The following COPE variants were observed in gnomAD, a reference collection of about 807,000 sequenced individuals.
COPE encodes the protein coat protein complex I subunit epsilon.
A neutral mutation model predicts 42.1 loss-of-function variants in COPE; 19 were observed. The ratio of observed to expected loss-of-function variants is 0.45; its 90% CI spans 0.31 to 0.66. The LOEUF is 0.66. Ranked by LOEUF, COPE falls within the 30% of genes least tolerant of loss-of-function variation. The pLI is 0.05. For missense variants in COPE, 402 were observed against 416.1 expected (o/e 0.97, Z 0.30); for synonymous variants, 195 against 181.3 (o/e 1.08, Z -0.60).
intron 3 of COPE, 99 bp from the exon 4 acceptor site, chr19:18,907,211 G>A: frequency 7.4e-7 from 1 of 1,347,020 alleles, no homozygotes. Flanking sequence ...GAGAGGGTGA[G>A]CCAGGCCCTG....
chr19:18,912,117 G>A (rs953728058), intron 2 of COPE, among the ~76,000 whole-genome samples: 1 of 152,098 alleles, frequency 6.6e-6, no homozygotes, highest in African/African-American at 2.4e-5. Context: ...AAAGTGCTGG[G>A]ATTACAGGCG....
chr19:18,909,551 C>T (rs907228583), intron 3 of COPE, among the ~76,000 whole-genome samples: 2 of 150,450 alleles, frequency 1.3e-5, no homozygotes, highest in Admixed American at 6.6e-5. Context: ...GACAGTCTCC[C>T]GCTGTCACCC....
At chr19:18,905,742 G>C in intron 4 of COPE, 113 bp from the exon 5 acceptor site, 1 of 1,090,240 alleles carries the variant, frequency 9.2e-7, no homozygotes, top group South Asian at 1.5e-5. Context: ...CCTGTGCTTA[G>C]GACCACCAGC....
In COPE at chr19:18,905,664, G is replaced by A. The variant is rs371754480; in HGVS notation, c.444-35C>T. The A allele has an allele frequency of 2.3e-5, 37 of 1,576,122 alleles. No individual in the cohort carries two copies. The African/African-American group carries it at 2.8e-4, about 12-fold the overall frequency. ...AGGGCGAGGGGGCGGTCAGCGGGTCGCCACAGACACATTGCATGGCCGCTC... is the reference window on the plus strand; with the variant it reads ...AGGGCGAGGGGGCGGTCAGCGGGTCACCACAGACACATTGCATGGCCGCTC... On this transcript the variant is annotated intron_variant, in intron 4 of 9. Coordinates refer to ENST00000262812, the MANE Select transcript of COPE (RefSeq NM_007263.4).
rs377535730 is a variant in COPE, at chr19:18,902,748, AAAGGAAGG to A, written c.735+512_735+519del. ...AGGAAGGAAAGGAAGGAAAGGAAGGAAAGGAAGGAAGGAAGGAAGGGAAAGAAGGAAGG... is the reference window on the plus strand; with the variant it reads ...AGGAAGGAAAGGAAGGAAAGGAAGGAAAGGAAGGAAGGGAAAGAAGGAAGG... On this transcript the variant is annotated intron_variant, in intron 7 of 9. Transcript: ENST00000262812. Among the ~76,000 whole-genome samples the A allele has an allele frequency of 3.8e-5, 2 of 51,964 alleles. 1 individual carries two copies. Among genetic ancestry groups the A allele is most frequent in the Admixed American group, 4.3e-4 (2 of 4,672 alleles). The allele number at this position is 51,964 out of a possible 152,430, so 34.1% of individuals were successfully genotyped here.
At position 18,914,766 on chromosome 19, in the gene COPE, T is replaced by TG. The variant is rs1464742615; in HGVS notation, c.127-1721_127-1720insC. 2.0e-5 allele frequency among the ~76,000 whole-genome samples: 3 copies of TG among 150,238 alleles called. No homozygotes were observed. The East Asian group carries it at 5.9e-4, about 30-fold the overall frequency. On this transcript the variant is annotated intron_variant, in intron 1 of 9. Coordinates refer to ENST00000262812, the MANE Select transcript of COPE (RefSeq NM_007263.4). ...GCAAAAAGCATAGTCTTTTTTTTTTTTTTTTTTTTGATGGAGTCTTGCTCT... is the reference window on the plus strand; with the variant it reads ...GCAAAAAGCATAGTCTTTTTTTTTTTGTTTTTTTTTGATGGAGTCTTGCTCT...
chr19:18,906,158 G>A, intron 4 of COPE: 1 of 395,912 alleles, frequency 2.5e-6, no homozygotes, highest in Non-Finnish European at 4.4e-6. Flanking sequence ...CACCGAGTCG[G>A]CCGGCTCGCC....
At chr19:18,910,938 C>T (rs370096329) in intron 3 of COPE, 33 bp downstream of exon 3, 53 of 1,593,548 alleles carry the variant, frequency 3.3e-5, no homozygotes, top group Non-Finnish European at 4.2e-5. Flanking sequence ...GATGGCCCCG[C>T]GCCTCAGGCC....
At chr19:18,899,810 C>A in intron 9 of COPE, 63 bp downstream of exon 9, 1 of 1,610,298 alleles carries the variant, frequency 6.2e-7, no homozygotes, top group South Asian at 1.1e-5. Context: ...GCATGTGAGC[C>A]CAGGCTGAGC....
chr19:18,912,722 G>C (rs2056821406), intron 2 of COPE, among the ~76,000 whole-genome samples: 1 of 143,118 alleles, frequency 7.0e-6, no homozygotes, highest in African/African-American at 2.7e-5. Context: ...GAGTACGACA[G>C]AGTGAGACTC....
At chr19:18,912,818 C>A (rs1398772015) in intron 2 of COPE, among the ~76,000 whole-genome samples, 166 bp downstream of exon 2, 1 of 152,066 alleles carries the variant, frequency 6.6e-6, no homozygotes, top group Non-Finnish European at 1.5e-5. Flanking sequence ...GACACAGCCA[C>A]CTTCACATGC....
In COPE at chr19:18,906,971, G is replaced by A; in HGVS notation, c.432C>T (p.Asp144=). 6.4e-7 allele frequency: 1 copy of A among 1,562,282 alleles called. No individual in the cohort carries two copies. Among genetic ancestry groups the A allele is most frequent in the Non-Finnish European group, 8.7e-7 (1 of 1,153,708 alleles). ...DAALRALHQG[D]SLECTAMTVQ... ...GGGAGGCCACTCACCACTCCAGGCTGTCCCCCTGGTGCAGCGCACGCAGGG... is the reference window on the plus strand; with the variant it reads ...GGGAGGCCACTCACCACTCCAGGCTATCCCCCTGGTGCAGCGCACGCAGGG... The change falls in exon 4 of 10, where the codon GAC becomes GAT. Residue 144 remains aspartate (D), a synonymous_variant. Transcript: ENST00000262812.
chr19:18,919,223 C>A lies in COPE; in HGVS notation c.126G>T (p.Lys42Asn). 6.2e-7 allele frequency: 1 copy of A among 1,611,468 alleles called. No individual in the cohort carries two copies. The highest frequency in any genetic ancestry group is 2.2e-5 in the East Asian group (1 of 44,842). Residue 42 changes from lysine to asparagine, a missense_variant and splice_region_variant, in exon 1 of 10, where the codon AAG becomes AAT. Transcript: ENST00000262812. ...QQCINEAQRVKLSSPERDVER... is the reference protein window; with the variant it reads ...QQCINEAQRVNLSSPERDVER... ...TCCCCGCGCCCCTGCGCGGCCGCAC[C>A]TTCACCCGCTGCGCCTCGTTTATGC... is the stretch of plus-strand genomic sequence containing the variant.
chr19:18,908,665 C>T (rs571401587), intron 3 of COPE, among the ~76,000 whole-genome samples: 3 of 151,646 alleles, frequency 2.0e-5, no homozygotes, highest in Admixed American at 6.6e-5. Context: ...TACAGGCACC[C>T]GCCACCATGC....
intron 1 of COPE, among the ~76,000 whole-genome samples, chr19:18,918,913 C>T (rs1216302952): frequency 6.6e-6 from 1 of 152,204 alleles, no homozygotes; most frequent in Non-Finnish European, 1.5e-5. Context: ...CAGTCTCCAT[C>T]TCACGGGAAC....
intron 3 of COPE, among the ~76,000 whole-genome samples, chr19:18,908,477 G>A (rs568626279): frequency 1.3e-5 from 2 of 151,338 alleles, no homozygotes; most frequent in Non-Finnish European, 2.9e-5. Context: ...CTTGAGCCCA[G>A]GAGTTTGAGA....
chr19:18,919,220 C>T lies in COPE; in HGVS notation c.126+3G>A. ...GCGTCCCCGCGCCCCTGCGCGGCCG[C>T]ACCTTCACCCGCTGCGCCTCGTTTA... On this transcript the variant is annotated splice_donor_region_variant and intron_variant, in intron 1 of 9. Transcript: ENST00000262812. 1 of 1,609,696 alleles carries T rather than the reference C, an allele frequency of 6.2e-7. No homozygotes were observed. The highest frequency in any genetic ancestry group is 8.5e-7 in the Non-Finnish European group (1 of 1,177,704).
rs1311081434 is a variant in COPE, at chr19:18,904,771, C to T, written c.579G>A (p.Thr193=). Residue 193 remains threonine (T), a splice_region_variant and synonymous_variant, in exon 6 of 10, where the codon ACG becomes ACA. Transcript: ENST00000262812. ...ACCCACCTCATGGCCTAGGGCTCAC[C>T]GTGGCCAGGCTGACCCAGGCAGTGG... ...QLATAWVSLA[T]GGEKLQDAYY... 8 of 1,552,016 alleles carry T rather than the reference C, an allele frequency of 5.2e-6. No homozygotes were observed. The highest frequency in any genetic ancestry group is 6.1e-6 in the Non-Finnish European group (7 of 1,147,280).
At chr19:18,901,711 G>C (rs1190789588) in intron 7 of COPE, among the ~76,000 whole-genome samples, 1 of 152,232 alleles carries the variant, frequency 6.6e-6, no homozygotes, top group Non-Finnish European at 1.5e-5. Context: ...GGTGAGAATT[G>C]TTTGAGCCCA....
Sources: gnomAD v4.1 joint callset for allele counts (sites outside exome capture counted in the v4.1 genomes callset) on GRCh38, gnomAD v4.1.1 for gene constraint, MANE v1.5 for transcripts, NCBI Gene and HGNC (gene_info 2026-07-23, HGNC 2026-07-21) for gene names.